The following ADAM22 variants were observed in gnomAD, a reference collection of about 807,000 sequenced individuals.
ADAM22 encodes the protein ADAM metallopeptidase domain 22.
ADAM22 carries 65 observed loss-of-function variants against 144.6 expected under a neutral mutation model. The observed-to-expected ratio is 0.45, with a 90% CI of 0.37 to 0.55. The LOEUF is 0.55. Ranked by LOEUF, ADAM22 falls within the 20% of genes least tolerant of loss-of-function variation. ADAM22 has a pLI of 0.00. For synonymous variants in ADAM22, 391 were observed against 412.6 expected (o/e 0.95, Z 0.63); for missense variants, 974 against 1,184.9 (o/e 0.82, Z 2.61).
chr7:88,171,559 G>C lies in ADAM22; in HGVS notation c.2298G>C (p.Gln766His), dbSNP rs770210398. ...TAWGYKNYRE[Q>H]RQLPQGDYVK... is the part of the protein sequence containing the mutation. ...CCATGAAAAGAAACTATCGAGAACAGAGGTATGTAATACAAATAATGTGAA... is the reference window on the plus strand; with the variant it reads ...CCATGAAAAGAAACTATCGAGAACACAGGTATGTAATACAAATAATGTGAA... The change falls in exon 26 of 32, where the codon CAG (glutamine) becomes CAC (histidine). Residue 766 changes from glutamine to histidine, a missense_variant and splice_region_variant. Gln to His is a conservative substitution (Grantham distance 24). Coordinates refer to ENST00000413139, the MANE Select transcript of ADAM22 (RefSeq NM_001324418.2). 6.3e-7 allele frequency: 1 copy of C among 1,589,334 alleles called. No homozygotes were observed. Among genetic ancestry groups the C allele is most frequent in the South Asian group, 1.2e-5 (1 of 85,808 alleles).
At chr7:87,996,807 A>G (rs531253000) in intron 3 of ADAM22, among the ~76,000 whole-genome samples, 11 of 152,326 alleles carry the variant, frequency 7.2e-5, no homozygotes, top group Middle Eastern at 3.4e-3. Context: ...GCTCTATACT[A>G]TTTACTAACT....
chr7:88,151,376 C>T (rs2129526305), intron 20 of ADAM22, 56 bp downstream of exon 20: 1 of 1,596,242 alleles, frequency 6.3e-7, no homozygotes, highest in South Asian at 1.1e-5. Context: ...GCGGACTTCT[C>T]AAGGACGTGT....
chr7:88,013,868 C>T (rs915096502), intron 3 of ADAM22, among the ~76,000 whole-genome samples: 3 of 152,164 alleles, frequency 2.0e-5, no homozygotes, highest in Admixed American at 6.6e-5. Flanking sequence ...CGATTTGTCT[C>T]GATTCTTTAC....
intron 2 of ADAM22, among the ~76,000 whole-genome samples, chr7:87,950,917 T>G (rs1259029854): frequency 1.3e-5 from 2 of 151,878 alleles, no homozygotes; most frequent in South Asian, 4.2e-4. Context: ...TCATGTGTTT[T>G]TTGGCTGCAT....
chr7:87,953,468 A>G (rs995562923), intron 2 of ADAM22, among the ~76,000 whole-genome samples: 8 of 152,228 alleles, frequency 5.3e-5, no homozygotes, highest in South Asian at 4.2e-4. Flanking sequence ...GAGTTTCTTA[A>G]TCCTGAGTTC....
At chr7:88,027,878 C>T (rs1471853805) in intron 3 of ADAM22, among the ~76,000 whole-genome samples, 2 of 151,912 alleles carry the variant, frequency 1.3e-5, no homozygotes, top group Admixed American at 6.6e-5. Context: ...TGCAACCCTA[C>T]CTCCCAGGTT....
chr7:88,179,340 C>T (rs1160180109), intron 27 of ADAM22, among the ~76,000 whole-genome samples: 1 of 151,840 alleles, frequency 6.6e-6, no homozygotes, highest in African/African-American at 2.4e-5. Flanking sequence ...AGAAACTATA[C>T]ATAGTATTTA....
Position 88,134,405 on chromosome 7 carries a change from G to T in ADAM22, c.1154G>T (p.Arg385Ile). ...AHNIGIISDK[R>I]KLASGECKCE... ...AATATTGGTATTATCTCAGACAAAA[G>T]AAAGTTAGCAAGTGGTAAGTTTTAG... The change falls in exon 13 of 32, where the codon AGA (arginine) becomes ATA (isoleucine). Residue 385 changes from arginine to isoleucine, a missense_variant. By Grantham distance (97) the Arg-to-Ile change is moderately conservative. Around this residue, in one of 2 missense-constraint regions of ADAM22, gnomAD observed 734 missense variants for 950.6 expected, o/e 0.77. Coordinates refer to ENST00000413139, the MANE Select transcript of ADAM22 (RefSeq NM_001324418.2). 1.2e-6 allele frequency: 2 copies of T among 1,609,136 alleles called. No individual in the cohort carries two copies. Among genetic ancestry groups the T allele is most frequent in the Non-Finnish European group, 1.7e-6 (2 of 1,177,762 alleles).
intron 3 of ADAM22, among the ~76,000 whole-genome samples, chr7:88,035,825 G>A (rs191664430): frequency 1.7e-3 from 256 of 152,284 alleles, no homozygotes; most frequent in Middle Eastern, 3.4e-3. Context: ...ACCAAGGGAT[G>A]ATTTTAGTCG....
chr7:88,172,836 G>A (rs1448571819), intron 26 of ADAM22, among the ~76,000 whole-genome samples: 1 of 151,982 alleles, frequency 6.6e-6, no homozygotes, highest in Non-Finnish European at 1.5e-5. Flanking sequence ...AAAAGCGCTT[G>A]CTTAGAGCAG....
At chr7:87,999,959 C>A (rs1792136411) in intron 3 of ADAM22, among the ~76,000 whole-genome samples, 1 of 150,808 alleles carries the variant, frequency 6.6e-6, no homozygotes, top group Non-Finnish European at 1.5e-5. Flanking sequence ...TGTGCTCCAG[C>A]CTGGGCAATA....
intron 3 of ADAM22, among the ~76,000 whole-genome samples, chr7:88,053,398 G>A (rs1034353971): frequency 2.0e-5 from 3 of 151,972 alleles, no homozygotes; most frequent in African/African-American, 7.3e-5. Context: ...GAGCCTGGGA[G>A]TTTGAGGCTG....
At chr7:88,139,606 A>G (rs907981496) in intron 14 of ADAM22, among the ~76,000 whole-genome samples, 2 of 152,168 alleles carry the variant, frequency 1.3e-5, no homozygotes, top group Non-Finnish European at 1.5e-5. Flanking sequence ...CATGAAACAG[A>G]TGGCTTGGTT....
At chr7:87,960,044 G>C (rs1314081681) in intron 2 of ADAM22, among the ~76,000 whole-genome samples, 2 of 151,908 alleles carry the variant, frequency 1.3e-5, no homozygotes, top group Non-Finnish European at 2.9e-5. Flanking sequence ...TTATTAATCT[G>C]GGCCCAGCAT....
At chr7:87,969,002 C>A (rs1849803358) in intron 2 of ADAM22, among the ~76,000 whole-genome samples, 2 of 152,144 alleles carry the variant, frequency 1.3e-5, no homozygotes, top group Non-Finnish European at 2.9e-5. Flanking sequence ...CCTGAGAACT[C>A]ACTCACTATC....
intron 11 of ADAM22, chr7:88,131,682 T>A (rs373775409): frequency 1.9e-6 from 1 of 520,138 alleles, no homozygotes; most frequent in Non-Finnish European, 3.4e-6. Flanking sequence ...GAGCATTTAC[T>A]GAGTAAAAAT....
At chr7:88,168,300 GA>G in intron 25 of ADAM22, 73 bp downstream of exon 25, 1 of 1,445,276 alleles carries the variant, frequency 6.9e-7, no homozygotes. Flanking sequence ...AAAACATCTA[GA>G]AAGTTTTGTA....
intron 29 of ADAM22, chr7:88,186,326 G>A (rs184714226): frequency 2.8e-4 from 107 of 385,734 alleles, no homozygotes; most frequent in African/African-American, 2.1e-3. Flanking sequence ...ACTGCTGACT[G>A]TACTGTGATT....
intron 4 of ADAM22, among the ~76,000 whole-genome samples, chr7:88,103,579 A>T (rs1402667217): frequency 1.3e-5 from 2 of 152,116 alleles, no homozygotes; most frequent in Admixed American, 1.3e-4. Flanking sequence ...ATGTTATTAG[A>T]TCAAGGAGTA....
Sources: gnomAD v4.1 joint callset for allele counts (sites outside exome capture counted in the v4.1 genomes callset) on GRCh38, gnomAD v4.1.1 for gene constraint, gnomAD v4.1.1 regional missense constraint, MANE v1.5 for transcripts, NCBI Gene and HGNC (gene_info 2026-07-23, HGNC 2026-07-21) for gene names.